EPB41L2: variants seen among roughly 807,000 people sequenced by gnomAD.
EPB41L2 encodes erythrocyte membrane protein band 4.1 like 2, also known as band 4.1-like protein 2.
In EPB41L2, 43 loss-of-function variants were observed where a neutral mutation model predicts 113.0. That is an observed-to-expected ratio of 0.38 (90% CI 0.30 to 0.49). The LOEUF (loss-of-function observed/expected upper bound fraction) is 0.49, where lower values mean the gene tolerates loss of function less well. EPB41L2 is among the 20% of genes least tolerant of loss of function. The pLI is 0.95. For synonymous variants in EPB41L2, 442 were observed against 436.7 expected, an observed-to-expected ratio of 1.01 and a Z score of -0.15; for missense variants, 1,147 against 1,223.4, an observed-to-expected ratio of 0.94 and a Z score of 0.93.
intron 18 of EPB41L2, among the ~76,000 whole-genome samples, chr6:130,862,447 T>G (rs1359132070): frequency 6.6e-6 from 1 of 152,190 alleles, no homozygotes; most frequent in Admixed American, 6.5e-5. Flanking sequence ...GCAGGTTTAC[T>G]CCAATTTCTC....
At chr6:130,889,798 T>C (rs888230188) in intron 11 of EPB41L2, among the ~76,000 whole-genome samples, 3 of 152,174 alleles carry the variant, frequency 2.0e-5, no homozygotes, top group East Asian at 1.9e-4. Flanking sequence ...AAATGAGAAC[T>C]CTTAACAAAT....
intron 3 of EPB41L2, among the ~76,000 whole-genome samples, chr6:130,934,935 T>C (rs1253799004): frequency 6.6e-6 from 1 of 151,970 alleles, no homozygotes; most frequent in Non-Finnish European, 1.5e-5. Flanking sequence ...TCTTACAACA[T>C]ATTTTTCTTG....
At chr6:130,856,069 C>T (rs1780129125) in intron 19 of EPB41L2, among the ~76,000 whole-genome samples, 1 of 152,108 alleles carries the variant, frequency 6.6e-6, no homozygotes, top group Non-Finnish European at 1.5e-5. Flanking sequence ...CTCTTCAATA[C>T]AGTGCTGGAA....
chr6:130,888,525 T>C (rs1181852064), intron 11 of EPB41L2, among the ~76,000 whole-genome samples: 2 of 152,204 alleles, frequency 1.3e-5, no homozygotes, highest in East Asian at 3.8e-4. Context: ...CTGCTCTTTT[T>C]AAATGCTAAA....
chr6:130,852,667 A>G (rs186990383), intron 19 of EPB41L2, among the ~76,000 whole-genome samples: 12 of 152,344 alleles, frequency 7.9e-5, no homozygotes, highest in African/African-American at 2.4e-4. Flanking sequence ...CAAAGAAGGT[A>G]AGTTACATCC....
chr6:130,958,153 C>A (rs1335894563), intron 1 of EPB41L2, among the ~76,000 whole-genome samples: 1 of 151,924 alleles, frequency 6.6e-6, no homozygotes, highest in Admixed American at 6.6e-5. Flanking sequence ...GCATGTTGCA[C>A]AAAAAACACA....
At chr6:131,054,244 CG>C (rs1797185325) in intron 1 of EPB41L2, among the ~76,000 whole-genome samples, 1 of 152,122 alleles carries the variant, frequency 6.6e-6, no homozygotes, top group Non-Finnish European at 1.5e-5. Context: ...AGACTTGTAA[CG>C]GGGTTTCTCA....
intron 19 of EPB41L2, 42 bp downstream of exon 19, chr6:130,858,089 A>G (rs1780859329): frequency 7.1e-7 from 1 of 1,413,922 alleles, no homozygotes; most frequent in Non-Finnish European, 1.0e-6. Flanking sequence ...AGGAGTACAG[A>G]GCAGTCACTA....
intron 1 of EPB41L2, among the ~76,000 whole-genome samples, chr6:131,044,595 G>T (rs1795073999): frequency 6.6e-6 from 1 of 152,056 alleles, no homozygotes; most frequent in South Asian, 2.1e-4. Flanking sequence ...TACCCCGGTG[G>T]TCACAAAGCT....
intron 14 of EPB41L2, among the ~76,000 whole-genome samples, chr6:130,877,539 T>C (rs1280315902): frequency 6.6e-6 from 1 of 152,114 alleles, no homozygotes; most frequent in Admixed American, 6.5e-5. Flanking sequence ...TGAGGAGAAA[T>C]GTTATGATTG....
chr6:131,002,385 C>G lies in EPB41L2; in HGVS notation c.-14-45886G>C, dbSNP rs74802828. ...AAGAAGGGGAATGGCAATACAACAG[C>G]CTTGTCCCTGAGGAGCTGATAACCT... On this transcript the variant is annotated intron_variant, in intron 1 of 19. Transcript: ENST00000337057. 9.7e-3 allele frequency among the ~76,000 whole-genome samples: 1,472 copies of G among 152,266 alleles called. 20 individuals carry two copies. Among genetic ancestry groups the G allele is most frequent in the African/African-American group, 0.032 (1,310 of 41,534 alleles).
intron 1 of EPB41L2, among the ~76,000 whole-genome samples, chr6:131,002,104 T>C (rs1010549734): frequency 6.6e-6 from 1 of 152,252 alleles, no homozygotes; most frequent in African/African-American, 2.4e-5. Flanking sequence ...CCATGATTAC[T>C]GCCTCAAAAA....
At position 130,869,970 on chromosome 6, in the gene EPB41L2, A is replaced by G; in HGVS notation, c.2200T>C (p.Ser734Pro). Reference protein sequence around the residue: ...RKVEPVTQKDSTSLSSESSSS... With the variant: ...RKVEPVTQKDPTSLSSESSSS... ...CTGCTCTCAGAAGACAGGGAGGTGG[A>G]GTCTTTTTGTGTCACAGGCTCCACC... Residue 734 changes from serine (S) to proline (P), a missense_variant, in exon 15 of 20, where the codon TCC (serine) becomes CCC (proline). Transcript: ENST00000337057. The G allele has an allele frequency of 6.2e-7, 1 of 1,613,536 alleles. No homozygotes were observed.
chr6:130,887,862 GT>G (rs1791550050), intron 11 of EPB41L2, among the ~76,000 whole-genome samples: 1 of 151,704 alleles, frequency 6.6e-6, no homozygotes, highest in South Asian at 2.1e-4. Context: ...TTGGTTGTTG[GT>G]TCTCTTAAAT....
At chr6:130,965,952 C>T (rs1338443607) in intron 1 of EPB41L2, among the ~76,000 whole-genome samples, 1 of 151,966 alleles carries the variant, frequency 6.6e-6, no homozygotes, top group Non-Finnish European at 1.5e-5. Context: ...AATCTTGTGG[C>T]TTCCCTGGGC....
intron 1 of EPB41L2, among the ~76,000 whole-genome samples, chr6:131,010,111 A>G (rs1457787602): frequency 6.6e-6 from 1 of 152,234 alleles, no homozygotes; most frequent in Non-Finnish European, 1.5e-5. Context: ...CATGTAATTC[A>G]ACAAAAACAA....
intron 3 of EPB41L2, among the ~76,000 whole-genome samples, chr6:130,947,025 C>CCA (rs1554291528): frequency 0.022 from 3,200 of 145,752 alleles, 148 homozygotes; most frequent in African/African-American, 0.078. Flanking sequence ...AGACCCCCCC[C>CCA]CCAGCCCCTT....
Position 130,956,436 on chromosome 6 carries a change from T to C in EPB41L2, c.50A>G (p.Gln17Arg). 1 of 1,614,072 alleles carries C rather than the reference T, an allele frequency of 6.2e-7. No individual in the cohort carries two copies. The highest frequency in any genetic ancestry group is 1.3e-5 in the African/African-American group (1 of 75,046). ...SVSEVKKDSS[Q>R]LGTDATKEKP... ...TTCCTTGGTTGCATCTGTTCCTAACTGGCTAGAGTCCTTCTTCACTTCAGA... is the reference window on the plus strand; with the variant it reads ...TTCCTTGGTTGCATCTGTTCCTAACCGGCTAGAGTCCTTCTTCACTTCAGA... The change falls in exon 2 of 20, where the codon CAG becomes CGG. Residue 17 changes from glutamine to arginine, a missense_variant. Transcript: ENST00000337057.
chr6:130,997,500 C>T (rs1783415325), intron 1 of EPB41L2, among the ~76,000 whole-genome samples: 1 of 152,154 alleles, frequency 6.6e-6, no homozygotes, highest in African/African-American at 2.4e-5. Flanking sequence ...GAACACATAT[C>T]TACATTAGAT....
Sources: allele counts gnomAD v4.1 joint callset (sites outside exome capture counted in the v4.1 genomes callset), GRCh38; gene constraint gnomAD v4.1.1; transcripts MANE v1.5; gene names NCBI Gene and HGNC (gene_info 2026-07-23, HGNC 2026-07-21).